PREX2: variants seen among roughly 807,000 people sequenced by gnomAD.
PREX2 encodes the protein phosphatidylinositol-3,4,5-trisphosphate dependent Rac exchange factor 2.
PREX2 carries 107 observed loss-of-function variants against 203.2 expected under a neutral mutation model. The observed-to-expected ratio is 0.53, with a 90% CI of 0.45 to 0.62. The LOEUF is 0.62. PREX2 is among the 20% of genes least tolerant of loss of function. The pLI is 0.00. For missense variants in PREX2, 1,777 were observed against 1,955.9 expected (o/e 0.91, Z 1.72); for synonymous variants, 672 against 663.6 (o/e 1.01, Z -0.19).
intron 7 of PREX2, among the ~76,000 whole-genome samples, chr8:68,042,201 T>A (rs1585730750): frequency 6.6e-6 from 1 of 152,234 alleles, no homozygotes; most frequent in East Asian, 1.9e-4. Flanking sequence ...GTTGTAATTA[T>A]ATGAACTAGA....
intron 5 of PREX2, among the ~76,000 whole-genome samples, chr8:68,028,199 T>C (rs1240116150): frequency 6.6e-6 from 1 of 151,954 alleles, no homozygotes; most frequent in Non-Finnish European, 1.5e-5. Flanking sequence ...TGTGTATGTA[T>C]GTATGCATGT....
chr8:67,964,131 C>A (rs1276343448), intron 1 of PREX2, among the ~76,000 whole-genome samples: 1 of 152,186 alleles, frequency 6.6e-6, no homozygotes, highest in Non-Finnish European at 1.5e-5. Flanking sequence ...AGCTGACTTA[C>A]CACTACACTT....
At position 68,002,647 on chromosome 8, in the gene PREX2, T is replaced by C. The variant is rs181201190; in HGVS notation, c.142-15199T>C. On this transcript the variant is annotated intron_variant, in intron 1 of 39. Transcript: ENST00000288368. ...TTGATGCTTACATCATCCAAATTAA[T>C]TTTATTTGCTTCTTAATCATTTTTT... is the stretch of plus-strand genomic sequence containing the variant. Among the ~76,000 whole-genome samples, 104 of 118,212 alleles carry C rather than the reference T, an allele frequency of 8.8e-4. No homozygotes were observed. The East Asian group carries it at 0.014, about 16-fold the overall frequency. The allele number at this position is 118,212 out of a possible 152,430, so 77.6% of individuals were successfully genotyped here.
intron 11 of PREX2, among the ~76,000 whole-genome samples, chr8:68,066,085 T>C (rs1033767360): frequency 6.6e-6 from 1 of 152,180 alleles, no homozygotes; most frequent in African/African-American, 2.4e-5. Flanking sequence ...AAGTATGGAA[T>C]ACATTATATC....
At chr8:68,008,896 C>T (rs924820553) in intron 1 of PREX2, among the ~76,000 whole-genome samples, 1 of 152,138 alleles carries the variant, frequency 6.6e-6, no homozygotes, top group East Asian at 1.9e-4. Flanking sequence ...ATCCATTAAA[C>T]CTATTTTTCT....
chr8:68,128,290 A>T (rs1463437875), intron 31 of PREX2, among the ~76,000 whole-genome samples: 1 of 152,222 alleles, frequency 6.6e-6, no homozygotes, highest in Non-Finnish European at 1.5e-5. Context: ...TATTACATTA[A>T]CTAGATGTTG....
intron 37 of PREX2, among the ~76,000 whole-genome samples, chr8:68,199,288 A>T (rs568296703): frequency 6.6e-6 from 1 of 152,260 alleles, no homozygotes; most frequent in African/African-American, 2.4e-5. Context: ...GCTACTGTCC[A>T]TGTAATCCAG....
chr8:68,144,933 T>G (rs1183345427), intron 33 of PREX2, among the ~76,000 whole-genome samples: 1 of 152,212 alleles, frequency 6.6e-6, no homozygotes, highest in Non-Finnish European at 1.5e-5. Flanking sequence ...TTCAATAACA[T>G]TATCCATTTG....
At chr8:67,974,581 T>A (rs1168096296) in intron 1 of PREX2, among the ~76,000 whole-genome samples, 1 of 152,198 alleles carries the variant, frequency 6.6e-6, no homozygotes, top group Non-Finnish European at 1.5e-5. Flanking sequence ...TTGACATTTT[T>A]ATTGTTTTTG....
At chr8:68,218,031 T>C (rs1812879751) in intron 38 of PREX2, among the ~76,000 whole-genome samples, 1 of 110,192 alleles carries the variant, frequency 9.1e-6, no homozygotes, top group African/African-American at 4.4e-5. Flanking sequence ...TAAAAGGACA[T>C]ATGGCATTTT....
intron 8 of PREX2, among the ~76,000 whole-genome samples, chr8:68,052,534 G>A (rs1010853625): frequency 3.9e-5 from 6 of 152,168 alleles, no homozygotes; most frequent in African/African-American, 1.4e-4. Flanking sequence ...AAGAGTGTAT[G>A]TCTTGACAAT....
chr8:68,041,789 T>G (rs889683347), intron 7 of PREX2, among the ~76,000 whole-genome samples: 1 of 152,076 alleles, frequency 6.6e-6, no homozygotes, highest in Non-Finnish European at 1.5e-5. Flanking sequence ...AATGAAATCT[T>G]TTTTCATTAA....
intron 1 of PREX2, among the ~76,000 whole-genome samples, chr8:67,965,760 A>G (rs1805754822): frequency 6.6e-6 from 1 of 152,154 alleles, no homozygotes; most frequent in Admixed American, 6.5e-5. Context: ...TCATAGAATG[A>G]AGTTTGGTAA....
chr8:68,141,466 G>A (rs1194251909), intron 33 of PREX2, among the ~76,000 whole-genome samples: 3 of 151,940 alleles, frequency 2.0e-5, no homozygotes, highest in Non-Finnish European at 4.4e-5. Flanking sequence ...TAATGAATGA[G>A]GAATGAATAA....
intron 4 of PREX2, among the ~76,000 whole-genome samples, chr8:68,024,537 T>G (rs570501565): frequency 1.3e-5 from 2 of 152,136 alleles, no homozygotes; most frequent in East Asian, 3.9e-4. Context: ...ACTTACAAGC[T>G]ATTTATGATC....
intron 31 of PREX2, among the ~76,000 whole-genome samples, 180 bp downstream of exon 31, chr8:68,127,599 AAT>A (rs111771754): frequency 8.6e-5 from 13 of 150,794 alleles, no homozygotes; most frequent in African/African-American, 2.7e-4. Context: ...TAAAAATGCA[AAT>A]ATATATATAT....
At chr8:68,105,316 A>G (rs200200706) in intron 23 of PREX2, 61 of 1,367,392 alleles carry the variant, frequency 4.5e-5, no homozygotes, top group Non-Finnish European at 4.9e-6. Flanking sequence ...ATTCCTGAGG[A>G]CCTTCCTTCT....
chr8:67,987,152 C>CAAA (rs57315665), intron 1 of PREX2, among the ~76,000 whole-genome samples: 5 of 55,106 alleles, frequency 9.1e-5, no homozygotes, highest in East Asian at 5.4e-4. Context: ...GACTTCATCT[C>CAAA]AAAAAAAAAA....
At position 68,203,158 on chromosome 8, in the gene PREX2, G is replaced by A. The variant is rs189053684; in HGVS notation, c.4604+10633G>A. Among the ~76,000 whole-genome samples, 27 of 152,134 alleles carry A rather than the reference G, an allele frequency of 1.8e-4. 1 individual carries two copies. Among genetic ancestry groups the A allele is most frequent in the Admixed American group, 9.2e-4 (14 of 15,268 alleles). On this transcript the variant is annotated intron_variant, in intron 37 of 39. Coordinates refer to ENST00000288368, the MANE Select transcript of PREX2 (RefSeq NM_024870.4). ...ACATGGTTTTCCCTCTCAGCAGAACGGGCTCAGTGCCTACTGAAGCACTGA... is the reference window on the plus strand; with the variant it reads ...ACATGGTTTTCCCTCTCAGCAGAACAGGCTCAGTGCCTACTGAAGCACTGA...
Sources: gnomAD v4.1 joint callset for allele counts (sites outside exome capture counted in the v4.1 genomes callset) on GRCh38, gnomAD v4.1.1 for gene constraint, MANE v1.5 for transcripts, NCBI Gene and HGNC (gene_info 2026-07-23, HGNC 2026-07-21) for gene names.